DLG1: variants seen among roughly 807,000 people sequenced by gnomAD.
The protein encoded by DLG1 is disks large homolog 1.
A neutral mutation model predicts 123.4 loss-of-function variants in DLG1; 42 were observed. That is an observed-to-expected ratio of 0.34 (90% confidence interval 0.27 to 0.44). The LOEUF (loss-of-function observed/expected upper bound fraction) is 0.44. DLG1 is among the 20% of genes least tolerant of loss of function. The pLI, the probability that DLG1 is intolerant of heterozygous loss-of-function variation, is 1.00. For synonymous variants in DLG1, 317 were observed against 356.2 expected, an observed-to-expected ratio of 0.89 and a Z score of 1.24; for missense variants, 942 against 1,082.6, an observed-to-expected ratio of 0.87 and a Z score of 1.82.
At chr3:197,288,435 A>C (rs1030382760) in intron 3 of DLG1, among the ~76,000 whole-genome samples, 9 of 151,418 alleles carry the variant, frequency 5.9e-5, no homozygotes, top group African/African-American at 1.9e-4. Context: ...AAATGGTACG[A>C]ATCTGGCCAG....
chr3:197,111,145 T>C (rs537083428), intron 13 of DLG1, among the ~76,000 whole-genome samples: 5 of 152,332 alleles, frequency 3.3e-5, no homozygotes, highest in African/African-American at 7.2e-5. Context: ...CTGATGCATA[T>C]TGCTAAACAT....
intron 11 of DLG1, among the ~76,000 whole-genome samples, chr3:197,125,476 G>A (rs1778564083): frequency 6.6e-6 from 1 of 152,084 alleles, no homozygotes; most frequent in Admixed American, 6.6e-5. Context: ...TGGAATCTAA[G>A]CTAATACAAA....
intron 21 of DLG1, 23 bp downstream of exon 21, chr3:197,065,685 A>C: frequency 6.7e-7 from 1 of 1,481,992 alleles, no homozygotes; most frequent in Non-Finnish European, 9.4e-7. Flanking sequence ...TAACAATTAA[A>C]TGTTTTTGTT....
chr3:197,112,147 T>C (rs1411883598), intron 13 of DLG1, among the ~76,000 whole-genome samples: 1 of 152,084 alleles, frequency 6.6e-6, no homozygotes, highest in African/African-American at 2.4e-5. Context: ...CAATGAATGT[T>C]GTTATTTTTT....
At chr3:197,256,026 G>A (rs1374926068) in intron 4 of DLG1, among the ~76,000 whole-genome samples, 1 of 152,190 alleles carries the variant, frequency 6.6e-6, no homozygotes, top group Admixed American at 6.5e-5. Context: ...GGAATTATTA[G>A]ATGATGTTAA....
intron 23 of DLG1, among the ~76,000 whole-genome samples, chr3:197,052,766 G>C (rs906341426): frequency 1.3e-5 from 2 of 152,076 alleles, no homozygotes; most frequent in African/African-American, 4.8e-5. Flanking sequence ...GAAATGACCT[G>C]GTTTCTATCA....
At chr3:197,067,879 T>A (rs1291765776) in intron 19 of DLG1, among the ~76,000 whole-genome samples, 11 of 145,862 alleles carry the variant, frequency 7.5e-5, no homozygotes, top group Non-Finnish European at 1.4e-4. Context: ...AGTTTTAAAC[T>A]AACACACACA....
At chr3:197,107,681 G>T (rs1187636078) in intron 13 of DLG1, among the ~76,000 whole-genome samples, 1 of 151,470 alleles carries the variant, frequency 6.6e-6, no homozygotes, top group Non-Finnish European at 1.5e-5. Flanking sequence ...TGTCTATCCT[G>T]CAAATTTAAC....
chr3:197,277,281 T>C (rs986141223), intron 4 of DLG1, among the ~76,000 whole-genome samples: 2 of 151,942 alleles, frequency 1.3e-5, no homozygotes, highest in African/African-American at 4.8e-5. Context: ...GTAGGGTGCA[T>C]CCTTTTCTAC....
rs1189196801 is a variant in DLG1, at chr3:197,140,718, G to A, written c.589-454C>T. Among the ~76,000 whole-genome samples, 6 of 152,172 alleles carry A rather than the reference G, an allele frequency of 3.9e-5. No homozygotes were observed. In the East Asian group the frequency reaches 1.2e-3, roughly 29 times the overall value. Reference sequence around the variant, plus strand: ...TGTTTTAGCCTTTAAAAAAGGGGGTGGCGATGGTGCTTTTCTTCTGCTAAC... The same window carrying A: ...TGTTTTAGCCTTTAAAAAAGGGGGTAGCGATGGTGCTTTTCTTCTGCTAAC... On this transcript the variant is annotated intron_variant, in intron 7 of 24. Transcript: ENST00000667157.
intron 11 of DLG1, among the ~76,000 whole-genome samples, chr3:197,129,416 T>C (rs1781391082): frequency 6.6e-6 from 1 of 152,192 alleles, no homozygotes; most frequent in East Asian, 1.9e-4. Flanking sequence ...ACAGTTAGGG[T>C]CTTGTTCTGG....
chr3:197,079,541 G>A (rs1002363411), intron 17 of DLG1, among the ~76,000 whole-genome samples: 1 of 152,128 alleles, frequency 6.6e-6, no homozygotes. Flanking sequence ...TAAACACGTC[G>A]TTAATTCAGT....
At chr3:197,159,974 T>G (rs911020379) in intron 5 of DLG1, among the ~76,000 whole-genome samples, 5 of 152,132 alleles carry the variant, frequency 3.3e-5, no homozygotes, top group African/African-American at 1.2e-4. Flanking sequence ...CTGACGTGCA[T>G]TAAGCATCCT....
rs1179425945 is a variant in DLG1, at chr3:197,091,160, G to T, written c.1547-134C>A. 15 of 520,190 alleles carry T rather than the reference G, an allele frequency of 2.9e-5. No homozygotes were observed. The South Asian group carries it at 6.1e-4, about 21-fold the overall frequency. The allele number at this position is 520,190 out of a possible 1,614,324, so 32.2% of individuals were successfully genotyped here. On this transcript the variant is annotated intron_variant, in intron 14 of 24. Transcript: ENST00000667157. ...AACCTTAAAATAGTAATATGCGAAA[G>T]ATTTTGCCCAACACATAAATTTCAA...
chr3:197,094,495 G>C (rs968606446), intron 14 of DLG1, among the ~76,000 whole-genome samples: 1 of 152,142 alleles, frequency 6.6e-6, no homozygotes, highest in Non-Finnish European at 1.5e-5. Flanking sequence ...TTTATATCCA[G>C]TTAAAAACTT....
intron 4 of DLG1, among the ~76,000 whole-genome samples, chr3:197,232,351 C>A (rs1386594834): frequency 1.5e-5 from 2 of 130,918 alleles, no homozygotes; most frequent in Non-Finnish European, 3.2e-5. Context: ...ATGACAGAGA[C>A]CTTGTCTCTT....
chr3:197,062,874 C>G (rs954206121), intron 22 of DLG1, among the ~76,000 whole-genome samples: 3 of 152,144 alleles, frequency 2.0e-5, no homozygotes, highest in Non-Finnish European at 4.4e-5. Flanking sequence ...ATTCATCGCT[C>G]TAATTATCTA....
At chr3:197,126,548 TTAGA>T (rs1779235450) in intron 11 of DLG1, among the ~76,000 whole-genome samples, 1 of 152,030 alleles carries the variant, frequency 6.6e-6, no homozygotes, top group South Asian at 2.1e-4. Flanking sequence ...CACATGGTTA[TTAGA>T]TAGGCAGCAT....
chr3:197,192,509 TAG>T, intron 5 of DLG1, among the ~76,000 whole-genome samples: 1 of 151,874 alleles, frequency 6.6e-6, no homozygotes, highest in South Asian at 2.1e-4. Context: ...GAAGAAAAGA[TAG>T]AAGAACTGTT....
Sources: allele counts gnomAD v4.1 joint callset (sites outside exome capture counted in the v4.1 genomes callset), GRCh38; gene constraint gnomAD v4.1.1; transcripts MANE v1.5; gene names NCBI Gene and HGNC (gene_info 2026-07-23, HGNC 2026-07-21).